SCAPER: variants seen among roughly 807,000 people sequenced by gnomAD.
The protein encoded by SCAPER is S phase cyclin A-associated protein in the endoplasmic reticulum.
A neutral mutation model predicts 182.2 loss-of-function variants in SCAPER; 98 were observed. That is an observed-to-expected ratio of 0.54 (90% confidence interval 0.46 to 0.64). The LOEUF (loss-of-function observed/expected upper bound fraction) is 0.64. Ranked by LOEUF, SCAPER falls within the 30% of genes least tolerant of loss-of-function variation. The probability of loss-of-function intolerance (pLI) is 0.00; values close to 1 mark genes in which losing one functional copy is unlikely to be tolerated. For synonymous variants in SCAPER, 605 were observed against 564.6 expected, an observed-to-expected ratio of 1.07 and a Z score of -1.01; for missense variants, 1,432 against 1,690.0, an observed-to-expected ratio of 0.85 and a Z score of 2.68.
chr15:76,706,388 GAGA>G (rs1224851846), intron 17 of SCAPER, among the ~76,000 whole-genome samples: 1 of 152,138 alleles, frequency 6.6e-6, no homozygotes, highest in East Asian at 1.9e-4. Context: ...TTCAAAAGCT[GAGA>G]AGCAATCCTG....
intron 23 of SCAPER, among the ~76,000 whole-genome samples, chr15:76,539,542 TTTC>T (rs2044530825): frequency 7.7e-6 from 1 of 129,434 alleles, no homozygotes; most frequent in Admixed American, 8.5e-5. Context: ...AAAATCAAAA[TTTC>T]TTTTTTTTTT....
At chr15:76,742,305 G>C (rs1426826457) in intron 15 of SCAPER, among the ~76,000 whole-genome samples, 4 of 151,258 alleles carry the variant, frequency 2.6e-5, no homozygotes, top group African/African-American at 4.9e-5. Flanking sequence ...GTACAAAATA[G>C]GTAATCTATA....
At chr15:76,403,689 G>A (rs1308519605) in intron 27 of SCAPER, among the ~76,000 whole-genome samples, 2 of 152,106 alleles carry the variant, frequency 1.3e-5, no homozygotes, top group African/African-American at 4.8e-5. Flanking sequence ...TAAAAAATAG[G>A]TAATACATAT....
intron 22 of SCAPER, among the ~76,000 whole-genome samples, chr15:76,612,986 T>C (rs2051135259): frequency 1.3e-5 from 2 of 152,100 alleles, no homozygotes; most frequent in African/African-American, 4.8e-5. Flanking sequence ...GCGAAAAGAA[T>C]AGCATGGGAG....
chr15:76,573,767 C>A (rs536355868), intron 23 of SCAPER, among the ~76,000 whole-genome samples: 32 of 152,082 alleles, frequency 2.1e-4, no homozygotes, highest in Non-Finnish European at 3.5e-4. Flanking sequence ...ACTGCCAAAT[C>A]TGTTGGAATC....
chr15:76,804,478 G>T, intron 6 of SCAPER, 55 bp downstream of exon 6: 1 of 1,156,466 alleles, frequency 8.6e-7, no homozygotes, highest in Non-Finnish European at 1.3e-6. Flanking sequence ...CCGTTTCAGT[G>T]ATTGCTATTG....
intron 23 of SCAPER, among the ~76,000 whole-genome samples, chr15:76,552,277 T>G (rs2045843502): frequency 6.6e-6 from 1 of 151,920 alleles, no homozygotes. Flanking sequence ...TGAGACCCTA[T>G]CTCAAAACAA....
chr15:76,548,282 T>C (rs1271538592), intron 23 of SCAPER, among the ~76,000 whole-genome samples: 7 of 152,202 alleles, frequency 4.6e-5, no homozygotes, highest in African/African-American at 1.7e-4. Flanking sequence ...TAATCAGAAT[T>C]GCCTATTTTG....
intron 21 of SCAPER, among the ~76,000 whole-genome samples, chr15:76,637,742 ATG>A (rs55726181): frequency 0.032 from 3,329 of 105,098 alleles, 50 homozygotes; most frequent in African/African-American, 0.046. Context: ...ATATATATAT[ATG>A]TGTGTGTGTG....
At chr15:76,886,964 C>CACATAGAGGGGA (rs1033579440) in intron 1 of SCAPER, among the ~76,000 whole-genome samples, 7 of 152,042 alleles carry the variant, frequency 4.6e-5, no homozygotes, top group African/African-American at 7.3e-5. Flanking sequence ...AACACATGGA[C>CACATAGAGGGGA]ACATAGAGGG....
chr15:76,560,671 C>T (rs980149494), intron 23 of SCAPER, among the ~76,000 whole-genome samples: 6 of 152,104 alleles, frequency 3.9e-5, no homozygotes, highest in African/African-American at 1.4e-4. Context: ...TTCATAGTTC[C>T]TGGGAATGGA....
At position 76,652,273 on chromosome 15, in the gene SCAPER, A is replaced by AAATATAT. The variant is rs1207156993; in HGVS notation, c.2645+13379_2645+13380insATATATT. Among the ~76,000 whole-genome samples, 20 of 12,840 alleles carry AAATATAT rather than the reference A, an allele frequency of 1.6e-3. 1 individual carries two copies. The highest frequency in any genetic ancestry group is 2.3e-3 in the Non-Finnish European group (17 of 7,550). The allele number at this position is 12,840 out of a possible 152,430, so 8.4% of individuals were successfully genotyped here. On this transcript the variant is annotated intron_variant, in intron 21 of 31. Transcript: ENST00000563290. ...GTCTCTGCTAAAAAAAAAAAAAAAA[A>AAATATAT]ATATATATATATATATATATATATA...
intron 24 of SCAPER, among the ~76,000 whole-genome samples, chr15:76,501,479 G>C (rs1195618582): frequency 6.6e-6 from 1 of 152,100 alleles, no homozygotes; most frequent in Non-Finnish European, 1.5e-5. Context: ...GGTAAGAAAA[G>C]AGGACAGGAA....
At chr15:76,642,527 A>G (rs1291817179) in intron 21 of SCAPER, among the ~76,000 whole-genome samples, 1 of 152,224 alleles carries the variant, frequency 6.6e-6, no homozygotes, top group Non-Finnish European at 1.5e-5. Flanking sequence ...TTTCATCTAC[A>G]GTACACTGTA....
At chr15:76,389,963 T>G (rs966557677) in intron 27 of SCAPER, among the ~76,000 whole-genome samples, 2 of 151,786 alleles carry the variant, frequency 1.3e-5, no homozygotes, top group African/African-American at 4.9e-5. Context: ...AGGAACCTTT[T>G]TTTTTTCTTT....
chr15:76,520,843 A>T (rs563869903), intron 23 of SCAPER, among the ~76,000 whole-genome samples: 1 of 152,330 alleles, frequency 6.6e-6, no homozygotes, highest in South Asian at 2.1e-4. Context: ...CAAACACCAT[A>T]GTATATTGCC....
Position 76,765,082 on chromosome 15 carries a change from C to T in SCAPER, c.1614-10G>A. 1 of 1,510,970 alleles carries T rather than the reference C, an allele frequency of 6.6e-7. No individual in the cohort carries two copies. Among genetic ancestry groups the T allele is most frequent in the African/African-American group, 1.4e-5 (1 of 72,988 alleles). The allele number at this position is 1,510,970 out of a possible 1,614,324, so 93.6% of individuals were successfully genotyped here. A position where few individuals can be genotyped will look rare whatever the true frequency, so the allele number is the denominator to read the frequency against. ...AGATTCTGCAATTGTTCTATTAATA[C>T]AAACAAATGGACAAGAGACATGAAA... On this transcript the variant is annotated splice_polypyrimidine_tract_variant and intron_variant, in intron 13 of 31. Transcript: ENST00000563290.
At position 76,689,691 on chromosome 15, in the gene SCAPER, C is replaced by CAA. The variant is rs533206913; in HGVS notation, c.2508+12065_2508+12066dup. Among the ~76,000 whole-genome samples the CAA allele has an allele frequency of 6.6e-5, 9 of 137,164 alleles. 1 individual carries two copies. The highest frequency in any genetic ancestry group is 1.9e-4 in the African/African-American group (7 of 37,690). The allele number at this position is 137,164 out of a possible 152,430, so 90.0% of individuals were successfully genotyped here. ...GTTTTCTAAATGTTATCCTTGAAAA[C>CAA]AAAAAAAAAAACAGAGCTCCTTGGA... On this transcript the variant is annotated intron_variant, in intron 20 of 31. Coordinates refer to ENST00000563290, the MANE Select transcript of SCAPER (RefSeq NM_020843.4).
intron 26 of SCAPER, among the ~76,000 whole-genome samples, chr15:76,430,296 A>G (rs769353111): frequency 5.3e-5 from 8 of 152,186 alleles, no homozygotes; most frequent in Non-Finnish European, 1.0e-4. Context: ...CTACTGTGGC[A>G]CCGCATAGTG....
Sources: gnomAD v4.1 joint callset for allele counts (sites outside exome capture counted in the v4.1 genomes callset) on GRCh38, gnomAD v4.1.1 for gene constraint, MANE v1.5 for transcripts, NCBI Gene and HGNC (gene_info 2026-07-23, HGNC 2026-07-21) for gene names.